The following PDE3A variants were observed in gnomAD, a reference collection of about 807,000 sequenced individuals.
PDE3A encodes the protein cGMP-inhibited 3',5'-cyclic phosphodiesterase 3A.
Under a neutral mutation model 98.3 loss-of-function variants are expected in PDE3A, and 43 were observed. That is an observed-to-expected ratio of 0.44 (90% CI 0.34 to 0.56). The LOEUF (loss-of-function observed/expected upper bound fraction) is 0.56. Ranked by LOEUF, PDE3A falls within the 20% of genes least tolerant of loss-of-function variation. The pLI is 0.01. For missense variants in PDE3A, 1,427 were observed against 1,440.7 expected, an observed-to-expected ratio of 0.99 and a Z score of 0.15; for synonymous variants, 663 against 567.9, an observed-to-expected ratio of 1.17 and a Z score of -2.38.
At chr12:20,482,682 T>C (rs1368070941) in intron 1 of PDE3A, among the ~76,000 whole-genome samples, 1 of 152,222 alleles carries the variant, frequency 6.6e-6, no homozygotes, top group African/African-American at 2.4e-5. Flanking sequence ...AAAGAATCTA[T>C]GTAAAAGCCA....
chr12:20,667,989 G>A (rs989594492), intron 15 of PDE3A, among the ~76,000 whole-genome samples: 9 of 152,164 alleles, frequency 5.9e-5, no homozygotes, highest in Middle Eastern at 3.4e-3. Flanking sequence ...CAGTGGGTGC[G>A]CGCACCGTGC....
chr12:20,524,177 C>T (rs1946477047), intron 1 of PDE3A, among the ~76,000 whole-genome samples: 2 of 152,200 alleles, frequency 1.3e-5, no homozygotes, highest in Admixed American at 6.6e-5. Context: ...TTCATCTGTA[C>T]TCCTGATTTA....
At chr12:20,549,473 G>T (rs1404087288) in intron 1 of PDE3A, among the ~76,000 whole-genome samples, 4 of 150,666 alleles carry the variant, frequency 2.7e-5, no homozygotes, top group Non-Finnish European at 5.9e-5. Flanking sequence ...AATTAGAAAT[G>T]GAAGTTTAAT....
chr12:20,675,693 C>G lies in PDE3A; in HGVS notation c.3185-4337C>G, dbSNP rs189479381. ...TATTCTATCCTCTTACTGAATTGAT[C>G]TCGTTGTCATTATATAATGACTGTG... On this transcript the variant is annotated intron_variant, in intron 15 of 15. Transcript: ENST00000359062. Among the ~76,000 whole-genome samples, 3 of 152,232 alleles carry G rather than the reference C, an allele frequency of 2.0e-5. No homozygotes were observed. The East Asian group carries it at 5.8e-4, about 29-fold the overall frequency.
At chr12:20,569,572 A>G (rs1034421507) in intron 2 of PDE3A, among the ~76,000 whole-genome samples, 2 of 152,174 alleles carry the variant, frequency 1.3e-5, no homozygotes, top group African/African-American at 4.8e-5. Context: ...ATTAATTAAT[A>G]TGCCCCTCAT....
At position 20,583,761 on chromosome 12, in the gene PDE3A, C is replaced by CT. The variant is rs1215094388; in HGVS notation, c.1011+27058dup. ...TATTTAATTTACTGTTACTAATTGGCTTTTTTTCATTGATCAATGAAAATT... is the reference window on the plus strand; with the variant it reads ...TATTTAATTTACTGTTACTAATTGGCTTTTTTTTCATTGATCAATGAAAATT... On this transcript the variant is annotated intron_variant, in intron 2 of 15. Coordinates refer to ENST00000359062, the MANE Select transcript of PDE3A (RefSeq NM_000921.5). Among the ~76,000 whole-genome samples, 4 of 151,992 alleles carry CT rather than the reference C, an allele frequency of 2.6e-5. No individual in the cohort carries two copies. The South Asian group carries it at 8.3e-4, about 32-fold the overall frequency.
At chr12:20,415,610 G>C (rs903221941) in intron 1 of PDE3A, among the ~76,000 whole-genome samples, 1 of 151,974 alleles carries the variant, frequency 6.6e-6, no homozygotes, top group Non-Finnish European at 1.5e-5. Flanking sequence ...GCTAATTTTT[G>C]TATTTTAGTA....
intron 1 of PDE3A, among the ~76,000 whole-genome samples, chr12:20,386,080 T>TAAATATATAA (rs1943770359): frequency 2.2e-5 from 1 of 46,354 alleles, no homozygotes; most frequent in Non-Finnish European, 3.7e-5. Context: ...AAAATATATA[T>TAAATATATAA]AAATATATAA....
chr12:20,492,350 G>T (rs1456613408), intron 1 of PDE3A, among the ~76,000 whole-genome samples: 1 of 152,066 alleles, frequency 6.6e-6, no homozygotes, highest in Non-Finnish European at 1.5e-5. Flanking sequence ...AGTATTGCAG[G>T]GTGAGTAGAA....
intron 1 of PDE3A, among the ~76,000 whole-genome samples, chr12:20,532,303 G>GAT (rs1321858077): frequency 4.6e-5 from 7 of 151,662 alleles, no homozygotes; most frequent in South Asian, 2.1e-4. Flanking sequence ...GTAATTTGTG[G>GAT]ATATATATAT....
intron 10 of PDE3A, among the ~76,000 whole-genome samples, chr12:20,645,614 G>T (rs1344880807): frequency 2.6e-5 from 4 of 152,098 alleles, no homozygotes; most frequent in East Asian, 3.9e-4. Context: ...ATTATGAGGG[G>T]TCTGATAAAC....
At chr12:20,581,559 T>G (rs1943065416) in intron 2 of PDE3A, among the ~76,000 whole-genome samples, 1 of 152,154 alleles carries the variant, frequency 6.6e-6, no homozygotes, top group Non-Finnish European at 1.5e-5. Flanking sequence ...TTACGACTTT[T>G]TCTTTGTTTG....
intron 3 of PDE3A, among the ~76,000 whole-genome samples, chr12:20,615,093 C>T (rs78245070): frequency 0.044 from 5,591 of 127,980 alleles, 144 homozygotes; most frequent in Middle Eastern, 0.095. Context: ...GTGATTTTCG[C>T]TCACTGCATG....
chr12:20,518,638 G>C (rs951653033), intron 1 of PDE3A, among the ~76,000 whole-genome samples: 5 of 151,982 alleles, frequency 3.3e-5, no homozygotes, highest in Non-Finnish European at 5.9e-5. Context: ...AGATGTTTCA[G>C]ATCCGAAGTG....
chr12:20,467,903 C>A (rs1945368138), intron 1 of PDE3A, among the ~76,000 whole-genome samples: 3 of 123,630 alleles, frequency 2.4e-5, no homozygotes, highest in African/African-American at 6.4e-5. Flanking sequence ...CCACTGCACT[C>A]CAGCCTGGCG....
chr12:20,478,479 G>A (rs1195683306), intron 1 of PDE3A, among the ~76,000 whole-genome samples: 4 of 152,146 alleles, frequency 2.6e-5, no homozygotes, highest in Non-Finnish European at 1.5e-5. Context: ...CCTGCCTTCA[G>A]TGAGCCCCTG....
chr12:20,602,381 T>TA (rs1943612421), intron 2 of PDE3A, among the ~76,000 whole-genome samples: 1 of 152,252 alleles, frequency 6.6e-6, no homozygotes, highest in Non-Finnish European at 1.5e-5. Flanking sequence ...GTAAAATTGT[T>TA]AACTTTGAGT....
At chr12:20,473,070 A>G (rs550892208) in intron 1 of PDE3A, among the ~76,000 whole-genome samples, 1 of 152,164 alleles carries the variant, frequency 6.6e-6, no homozygotes, top group Non-Finnish European at 1.5e-5. Flanking sequence ...GGTAAGATAG[A>G]TCTTAGAAAT....
At chr12:20,609,452 A>T (rs1943794412) in intron 2 of PDE3A, among the ~76,000 whole-genome samples, 1 of 152,072 alleles carries the variant, frequency 6.6e-6, no homozygotes, top group Non-Finnish European at 1.5e-5. Context: ...CTCAATCAGA[A>T]GTATTGTTAA....
Sources: gnomAD v4.1 joint callset for allele counts (sites outside exome capture counted in the v4.1 genomes callset) on GRCh38, gnomAD v4.1.1 for gene constraint, MANE v1.5 for transcripts, NCBI Gene and HGNC (gene_info 2026-07-23, HGNC 2026-07-21) for gene names.